The following CFAP43 variants were observed in gnomAD, a reference collection of about 807,000 sequenced individuals.
CFAP43 encodes cilia and flagella associated protein 43.
A neutral mutation model predicts 218.9 loss-of-function variants in CFAP43; 155 were observed. The observed-to-expected ratio is 0.71, with a 90% confidence interval of 0.62 to 0.81. The LOEUF is 0.81. Ranked by LOEUF, CFAP43 falls within the 30% of genes least tolerant of loss-of-function variation. The probability of loss-of-function intolerance (pLI) is 0.00; values close to 1 mark genes in which losing one functional copy is unlikely to be tolerated. For missense variants in CFAP43, 1,778 were observed against 1,954.3 expected, an observed-to-expected ratio of 0.91 and a Z score of 1.70; for synonymous variants, 645 against 681.3, an observed-to-expected ratio of 0.95 and a Z score of 0.83.
At chr10:104,191,216 T>C (rs1347121040) in intron 12 of CFAP43, among the ~76,000 whole-genome samples, 1 of 152,210 alleles carries the variant, frequency 6.6e-6, no homozygotes, top group Non-Finnish European at 1.5e-5. Context: ...AAACCACTGA[T>C]GATGGCTCAT....
chr10:104,182,472 T>C lies in CFAP43; in HGVS notation c.2183A>G (p.Tyr728Cys). The change falls in exon 17 of 38, where the codon TAC (tyrosine) becomes TGC (cysteine). Residue 728 changes from tyrosine (Y) to cysteine (C), a missense_variant. By Grantham distance (194) the Tyr-to-Cys change is radical (BLOSUM62 -2). This residue lies in a region of CFAP43 where 1,553 missense variants were observed against 1,685.2 expected (regional missense o/e 0.92). Coordinates refer to ENST00000357060, the MANE Select transcript of CFAP43 (RefSeq NM_025145.7). Reference sequence around the variant, plus strand: ...GCTCAGGGAAATTAATAGTTTCTGGTAATAGTCCAGAATTTCACTGGCTAG... The same window carrying C: ...GCTCAGGGAAATTAATAGTTTCTGGCAATAGTCCAGAATTTCACTGGCTAG... The part of the protein sequence containing the change: ...GHLASEILDY[Y>C]QKLLISLSSA... 6.2e-7 allele frequency: 1 copy of C among 1,612,210 alleles called. No individual in the cohort carries two copies. The highest frequency in any genetic ancestry group is 1.1e-5 in the South Asian group (1 of 90,496).
intron 8 of CFAP43, among the ~76,000 whole-genome samples, chr10:104,201,214 G>C (rs1021839457): frequency 6.6e-6 from 1 of 151,960 alleles, no homozygotes; most frequent in African/African-American, 2.4e-5. Flanking sequence ...TCTGAAATAA[G>C]CCCATTTATC....
chr10:104,220,406 C>G (rs979015665), intron 3 of CFAP43, among the ~76,000 whole-genome samples: 2 of 152,130 alleles, frequency 1.3e-5, no homozygotes, highest in Non-Finnish European at 2.9e-5. Flanking sequence ...TTCCAGGAAG[C>G]CTTCCCTGAC....
At chr10:104,169,184 A>C (rs1260610862) in intron 20 of CFAP43, among the ~76,000 whole-genome samples, 1 of 152,214 alleles carries the variant, frequency 6.6e-6, no homozygotes, top group Admixed American at 6.5e-5. Context: ...GCTAATGTGC[A>C]CAAAGCCTGC....
At position 104,192,314 on chromosome 10, in the gene CFAP43, G is replaced by T; in HGVS notation, c.1443-12C>A. 5 of 1,580,208 alleles carry T rather than the reference G, an allele frequency of 3.2e-6. No homozygotes were observed. The highest frequency in any genetic ancestry group is 4.3e-6 in the Non-Finnish European group (5 of 1,150,912). On this transcript the variant is annotated splice_polypyrimidine_tract_variant and intron_variant, in intron 11 of 37. Coordinates refer to ENST00000357060, the MANE Select transcript of CFAP43 (RefSeq NM_025145.7). ...CTTGCTGATCATAACTAGAAAAGAA[G>T]AAATCTGATGATCAAATCCCAATTG...
rs1178018519 is a variant in CFAP43 at position 104,188,259 on chromosome 10, G to A, written c.1687+11C>T. 3 of 1,612,852 alleles carry A rather than the reference G, an allele frequency of 1.9e-6. No homozygotes were observed. The highest frequency in any genetic ancestry group is 2.5e-6 in the Non-Finnish European group (3 of 1,179,420). On this transcript the variant is annotated intron_variant, in intron 13 of 37. Coordinates refer to ENST00000357060, the MANE Select transcript of CFAP43 (RefSeq NM_025145.7). ...CTCAGGAGCAGAACTGGCTGCTTAT[G>A]TTTTCCTTACCTTGTGGCAGTAATG...
chr10:104,163,336 T>A (rs758083167), intron 24 of CFAP43, among the ~76,000 whole-genome samples: 1 of 152,216 alleles, frequency 6.6e-6, no homozygotes, highest in African/African-American at 2.4e-5. Flanking sequence ...GCCCAGCCAA[T>A]ATCCAGCAGA....
At position 104,188,268 on chromosome 10, in the gene CFAP43, A is replaced by G. The variant is rs186176866; in HGVS notation, c.1687+2T>C. On this transcript the variant is annotated splice_donor_variant, in intron 13 of 37. Transcript: ENST00000357060. LOFTEE classifies it high-confidence loss of function. Reference sequence around the variant, plus strand: ...AGAACTGGCTGCTTATGTTTTCCTTACCTTGTGGCAGTAATGTAGGCAGTG... The same window carrying G: ...AGAACTGGCTGCTTATGTTTTCCTTGCCTTGTGGCAGTAATGTAGGCAGTG... 2 of 1,613,330 alleles carry G rather than the reference A, an allele frequency of 1.2e-6. No individual in the cohort carries two copies. Among genetic ancestry groups the G allele is most frequent in the East Asian group, 2.2e-5 (1 of 44,854 alleles).
At chr10:104,224,334 C>T (rs1272297350) in intron 3 of CFAP43, among the ~76,000 whole-genome samples, 2 of 151,942 alleles carry the variant, frequency 1.3e-5, no homozygotes, top group Admixed American at 6.5e-5. Context: ...TGAGCCACAG[C>T]GCCTGGCCGA....
Position 104,185,097 on chromosome 10 carries a change from T to G in CFAP43, c.2060A>C (p.Gln687Pro). The change falls in exon 16 of 38, where the codon CAG becomes CCG. Residue 687 changes from glutamine (Q) to proline (P), a missense_variant. Physicochemically the swap from Gln to Pro is moderately conservative, Grantham distance 76. This residue lies in a region of CFAP43 where 1,553 missense variants were observed against 1,685.2 expected (regional missense o/e 0.92). Transcript: ENST00000357060. ...RSHSHQGHGI[Q>P]SMRISMDGQN... ...TCCATCCATTGAAATTCTCATTGAC[T>G]GAATCCCATGACCCTGGTGAGAATG... 1 of 1,614,170 alleles carries G rather than the reference T, an allele frequency of 6.2e-7. No homozygotes were observed. Among genetic ancestry groups the G allele is most frequent in the Non-Finnish European group, 8.5e-7 (1 of 1,180,008 alleles).
At chr10:104,162,241 T>C (rs2088914267) in intron 25 of CFAP43, 76 bp downstream of exon 25, 5 of 1,431,424 alleles carry the variant, frequency 3.5e-6, no homozygotes, top group Non-Finnish European at 3.0e-6. Context: ...TGTTGATGGG[T>C]TATTAAACCA....
At chr10:104,173,632 T>C (rs1185058211) in intron 19 of CFAP43, among the ~76,000 whole-genome samples, 3 of 152,192 alleles carry the variant, frequency 2.0e-5, no homozygotes, top group Non-Finnish European at 4.4e-5. Flanking sequence ...CCAAGGAATC[T>C]GTTAGTGGCT....
intron 10 of CFAP43, 85 bp downstream of exon 10, chr10:104,196,768 A>T: frequency 1.8e-6 from 2 of 1,142,686 alleles, no homozygotes; most frequent in Non-Finnish European, 2.5e-6. Flanking sequence ...AAGTATTTCT[A>T]CAGACTATTG....
chr10:104,207,625 C>T, intron 6 of CFAP43, 40 bp downstream of exon 6: 1 of 1,570,892 alleles, frequency 6.4e-7, no homozygotes, highest in Non-Finnish European at 8.6e-7. Context: ...AAACCAACAC[C>T]CATGGCTATA....
chr10:104,164,490 CG>C (rs2089051175), intron 23 of CFAP43, among the ~76,000 whole-genome samples, 190 bp from the exon 24 acceptor site: 3 of 152,008 alleles, frequency 2.0e-5, no homozygotes, highest in Admixed American at 6.5e-5. Flanking sequence ...CTCCGCCTCC[CG>C]GGTTCACGCC....
chr10:104,131,067 G>GGAAGGGCT (rs1370264327), intron 37 of CFAP43, among the ~76,000 whole-genome samples: 1 of 151,314 alleles, frequency 6.6e-6, no homozygotes, highest in African/African-American at 2.4e-5. Context: ...CAGGGAGGGA[G>GGAAGGGCT]GAAGGGCTGA....
chr10:104,206,365 T>C (rs1002947906), intron 6 of CFAP43, among the ~76,000 whole-genome samples: 6 of 152,092 alleles, frequency 3.9e-5, no homozygotes, highest in Admixed American at 3.9e-4. Context: ...GTATTTGAGC[T>C]GGGCATTGGC....
intron 8 of CFAP43, among the ~76,000 whole-genome samples, chr10:104,200,366 C>T (rs954117748): frequency 6.6e-5 from 10 of 152,014 alleles, no homozygotes; most frequent in African/African-American, 1.5e-4. Context: ...CAGTTCGGTC[C>T]GGGAACAAAG....
intron 12 of CFAP43, among the ~76,000 whole-genome samples, chr10:104,190,041 G>A (rs770181999): frequency 1.5e-4 from 22 of 149,752 alleles, no homozygotes; most frequent in Non-Finnish European, 3.1e-4. Flanking sequence ...GGTGGCGGGC[G>A]CCTGTAGGCC....
Sources: gnomAD v4.1 joint callset for allele counts (sites outside exome capture counted in the v4.1 genomes callset) on GRCh38, gnomAD v4.1.1 for gene constraint, gnomAD v4.1.1 regional missense constraint, MANE v1.5 for transcripts, NCBI Gene and HGNC (gene_info 2026-07-23, HGNC 2026-07-21) for gene names.